LMOD1: variants seen among roughly 807,000 people sequenced by gnomAD.
LMOD1 encodes the protein leiomodin-1.
In LMOD1, 8 loss-of-function variants were observed where a neutral mutation model predicts 36.5. The observed-to-expected ratio is 0.22, with a 90% CI of 0.13 to 0.40. The LOEUF (loss-of-function observed/expected upper bound fraction) is 0.40. Among genes scored for constraint, LMOD1 ranks in the 10% least tolerant of loss-of-function variants. LMOD1 has a pLI of 1.00. For synonymous variants in LMOD1, 284 were observed against 288.7 expected (o/e 0.98, Z 0.17); for missense variants, 630 against 751.1 (o/e 0.84, Z 1.88).
At chr1:201,919,042 G>A (rs538974166) in intron 1 of LMOD1, among the ~76,000 whole-genome samples, 328 of 151,894 alleles carry the variant, frequency 2.2e-3, no homozygotes, top group African/African-American at 7.8e-3. Context: ...ACAGGCATGT[G>A]CCACCATGCC....
chr1:201,900,852 A>G, intron 1 of LMOD1, 101 bp from the exon 2 acceptor site: 1 of 1,005,342 alleles, frequency 9.9e-7, no homozygotes, highest in Non-Finnish European at 1.4e-6. Flanking sequence ...ACTGCCCTTG[A>G]GCCTCTGAAG....
Position 201,899,564 on chromosome 1 carries a change from C to T in LMOD1, c.1449G>A (p.Arg483=). The T allele has an allele frequency of 6.2e-7, 1 of 1,613,596 alleles. No individual in the cohort carries two copies. Among genetic ancestry groups the T allele is most frequent in the Non-Finnish European group, 8.5e-7 (1 of 1,179,714 alleles). ...TCTCTCCCTTGGCTTCCTGTGCCTG[C>T]CTTTGCTCCTGCAGCCGCTTTTGTC... The part of the protein sequence containing the change: ...KQRQKRLQEQ[R]QAQEAKGEKK... The change falls in exon 2 of 3, where the codon AGG becomes AGA. Residue 483 remains arginine (R), a synonymous_variant. Coordinates refer to ENST00000367288, the MANE Select transcript of LMOD1 (RefSeq NM_012134.3). The surrounding 1 kb of genome is among the most constrained non-coding windows in gnomAD (Gnocchi z 6.3).
chr1:201,931,368 C>T (rs77792176), intron 1 of LMOD1, among the ~76,000 whole-genome samples: 5,564 of 152,160 alleles, frequency 0.037, 313 homozygotes, highest in East Asian at 0.28. Context: ...AACCTCGTCT[C>T]TACTAAAAAT....
chr1:201,922,283 C>T (rs774232374), intron 1 of LMOD1, among the ~76,000 whole-genome samples: 2 of 152,170 alleles, frequency 1.3e-5, no homozygotes, highest in Non-Finnish European at 2.9e-5. Context: ...CAAAAAGCTT[C>T]CACACAAATG....
chr1:201,898,449 C>T (rs1372597008), intron 2 of LMOD1, 51 bp from the exon 3 acceptor site: 1 of 1,541,092 alleles, frequency 6.5e-7, no homozygotes, highest in Non-Finnish European at 8.9e-7. Context: ...AGCCACCTCA[C>T]CTCCCTCCCT....
At chr1:201,932,226 G>C (rs1022696834) in intron 1 of LMOD1, among the ~76,000 whole-genome samples, 1 of 152,142 alleles carries the variant, frequency 6.6e-6, no homozygotes, top group Non-Finnish European at 1.5e-5. Flanking sequence ...AAATTGAGTG[G>C]AAGAGAAGTC....
chr1:201,936,283 C>G (rs988431441), intron 1 of LMOD1, among the ~76,000 whole-genome samples: 1 of 151,562 alleles, frequency 6.6e-6, no homozygotes, highest in South Asian at 2.1e-4. Flanking sequence ...ACTCTTGCCC[C>G]CCTACAGTCT....
chr1:201,900,829 G>A, intron 1 of LMOD1, 78 bp from the exon 2 acceptor site: 1 of 1,308,716 alleles, frequency 7.6e-7, no homozygotes, highest in African/African-American at 1.5e-5. Flanking sequence ...ATGTGTGGGG[G>A]AGCGCTTACA....
In LMOD1 at chr1:201,946,499, G is replaced by A. The variant is rs1046429232; in HGVS notation, c.-159C>T. ...TTGGCCCTTCTGTGCTACAGGTGCT[G>A]AAGTGTTCACTGGACGCAGCAGCCT... On this transcript the variant is annotated 5_prime_UTR_variant, in exon 1 of 3. Transcript: ENST00000367288. The A allele has an allele frequency of 2.7e-6, 2 of 741,086 alleles. No individual in the cohort carries two copies. Among genetic ancestry groups the A allele is most frequent in the Non-Finnish European group, 4.3e-6 (2 of 463,110 alleles). The allele number at this position is 741,086 out of a possible 1,614,324, so 45.9% of individuals were successfully genotyped here.
chr1:201,939,240 G>A (rs891055745), intron 1 of LMOD1, among the ~76,000 whole-genome samples: 18 of 151,868 alleles, frequency 1.2e-4, no homozygotes, highest in African/African-American at 1.9e-4. Context: ...AAGGTCTCTC[G>A]TGATGTGCCA....
At position 201,899,879 on chromosome 1, in the gene LMOD1, G is replaced by A; in HGVS notation, c.1134C>T (p.Ala378=). 6.2e-7 allele frequency: 1 copy of A among 1,614,040 alleles called. No homozygotes were observed. The change falls in exon 2 of 3, where the codon GCC becomes GCT. Residue 378 remains alanine (A), a synonymous_variant. Transcript: ENST00000367288. This position sits in a 1 kb window ranked among gnomAD's most constrained non-coding sequence, Gnocchi z 6.3. ...TGTTGGCCTTGAGCATGATGGCAAT[G>A]GCAAAGGCCACGTGGTCATCGGCTC... is the stretch of plus-strand genomic sequence containing the variant. ...NTRADDHVAF[A]IAIMLKANKT...
chr1:201,929,080 C>T (rs1681875235), intron 1 of LMOD1, among the ~76,000 whole-genome samples: 1 of 147,980 alleles, frequency 6.8e-6, no homozygotes, highest in Non-Finnish European at 1.5e-5. Context: ...CATAGGTGGA[C>T]TTTATTTATT....
At chr1:201,920,745 G>A (rs1405458427) in intron 1 of LMOD1, among the ~76,000 whole-genome samples, 15 of 152,184 alleles carry the variant, frequency 9.9e-5, no homozygotes, top group Non-Finnish European at 4.4e-5. Context: ...TAGGGGGTGG[G>A]AGGCTGGGCG....
In LMOD1 at chr1:201,946,153, T is replaced by A. The variant is rs1441011019; in HGVS notation, c.188A>T (p.Tyr63Phe). 3 of 1,614,006 alleles carry A rather than the reference T, an allele frequency of 1.9e-6. No individual in the cohort carries two copies. Among genetic ancestry groups the A allele is most frequent in the Non-Finnish European group, 2.5e-6 (3 of 1,179,888 alleles). Reference sequence around the variant, plus strand: ...GAAGTTGAGCATGGCCTCCCGGTTGTACACACCCGTGGACTGTTTCTCCGT... The same window carrying A: ...GAAGTTGAGCATGGCCTCCCGGTTGAACACACCCGTGGACTGTTTCTCCGT... Reference protein sequence around the residue: ...NQTEKQSTGVYNREAMLNFCE... With the variant: ...NQTEKQSTGVFNREAMLNFCE... Residue 63 changes from tyrosine to phenylalanine, a missense_variant, in exon 1 of 3, where the codon TAC becomes TTC. Around this residue, in one of 3 missense-constraint regions of LMOD1, gnomAD observed 405 missense variants for 400.6 expected, o/e 1.01. Transcript: ENST00000367288.
intron 1 of LMOD1, among the ~76,000 whole-genome samples, chr1:201,925,705 T>A (rs1681817452): frequency 6.6e-6 from 1 of 151,844 alleles, no homozygotes; most frequent in Non-Finnish European, 1.5e-5. Context: ...TTTCTATTTT[T>A]AATTTTTTAA....
chr1:201,944,536 G>A (rs546549101), intron 1 of LMOD1, among the ~76,000 whole-genome samples: 1 of 152,296 alleles, frequency 6.6e-6, no homozygotes, highest in East Asian at 1.9e-4. Flanking sequence ...TGATAGCTGT[G>A]TTGGGGTACC....
intron 1 of LMOD1, among the ~76,000 whole-genome samples, chr1:201,911,531 G>A (rs373448324): frequency 6.6e-6 from 1 of 152,152 alleles, no homozygotes; most frequent in Admixed American, 6.5e-5. Context: ...CGGGCGTGGT[G>A]GTGGGTGCCT....
chr1:201,899,488 G>A lies in LMOD1; in HGVS notation c.1525C>T (p.Pro509Ser). 9.3e-6 allele frequency: 15 copies of A among 1,613,976 alleles called. No homozygotes were observed. Among genetic ancestry groups the A allele is most frequent in the Non-Finnish European group, 1.3e-5 (15 of 1,179,888 alleles). Residue 509 changes from proline (P) to serine (S), a missense_variant, in exon 2 of 3, where the codon CCA (proline) becomes TCA (serine). By Grantham distance (74) the Pro-to-Ser change is moderately conservative. Around this residue, in one of 3 missense-constraint regions of LMOD1, gnomAD observed 144 missense variants for 169.8 expected, o/e 0.85. Coordinates refer to ENST00000367288, the MANE Select transcript of LMOD1 (RefSeq NM_012134.3). This position sits in a 1 kb window ranked among gnomAD's most constrained non-coding sequence, Gnocchi z 6.3. ...PKAGAVAKGS[P>S]KPSPQPSPKP... is the part of the protein sequence containing the mutation. ...GGAGATGGTTGAGGTGAAGGTTTTG[G>A]GGAGCCCTTAGCCACGGCCCCGGCC...
At chr1:201,901,356 G>A (rs1005719185) in intron 1 of LMOD1, among the ~76,000 whole-genome samples, 1 of 150,824 alleles carries the variant, frequency 6.6e-6, no homozygotes, top group Non-Finnish European at 1.5e-5. Context: ...TACAAAATTA[G>A]CCAGGCATGG....
Sources: gnomAD v4.1 joint callset for allele counts (sites outside exome capture counted in the v4.1 genomes callset) on GRCh38, gnomAD v4.1.1 for gene constraint, gnomAD v4.1.1 regional missense constraint, Gnocchi (gnomAD v3.1) non-coding constraint, MANE v1.5 for transcripts, NCBI Gene and HGNC (gene_info 2026-07-23, HGNC 2026-07-21) for gene names.